Variants in RIMBP2 observed in about 807,000 individuals in gnomAD.
The protein encoded by RIMBP2 is RIMS-binding protein 2.
Under a neutral mutation model 118.6 loss-of-function variants are expected in RIMBP2, and 48 were observed. The observed-to-expected ratio is 0.40, with a 90% CI of 0.32 to 0.51. RIMBP2 has a LOEUF of 0.51. RIMBP2 is among the 20% of genes least tolerant of loss of function. The pLI, the probability that RIMBP2 is intolerant of heterozygous loss-of-function variation, is 0.41. For missense variants in RIMBP2, 1,551 were observed against 1,768.3 expected (o/e 0.88, Z 2.20); for synonymous variants, 762 against 742.9 (o/e 1.03, Z -0.42).
intron 2 of RIMBP2, among the ~76,000 whole-genome samples, chr12:130,535,961 G>T (rs1050019926): frequency 6.6e-6 from 1 of 151,676 alleles, no homozygotes; most frequent in Non-Finnish European, 1.5e-5. Flanking sequence ...TGTTGTTGTT[G>T]TATTTTTTGT....
intron 1 of RIMBP2, among the ~76,000 whole-genome samples, chr12:130,706,574 A>AT (rs1457050407): frequency 6.6e-6 from 1 of 152,264 alleles, no homozygotes; most frequent in Non-Finnish European, 1.5e-5. Context: ...CCATGGCAGC[A>AT]TGGCGTAGTG....
intron 19 of RIMBP2, among the ~76,000 whole-genome samples, chr12:130,408,685 G>A (rs1337649310): frequency 6.6e-6 from 1 of 152,248 alleles, no homozygotes; most frequent in Non-Finnish European, 1.5e-5. Flanking sequence ...TCAGACTGAA[G>A]GGGTGGGGCT....
At chr12:130,690,898 T>C (rs971521970) in intron 1 of RIMBP2, among the ~76,000 whole-genome samples, 3 of 151,952 alleles carry the variant, frequency 2.0e-5, no homozygotes, top group Non-Finnish European at 4.4e-5. Flanking sequence ...TGAGATGCCC[T>C]GTAATTCACA....
intron 2 of RIMBP2, among the ~76,000 whole-genome samples, chr12:130,526,308 G>A (rs989725113): frequency 1.3e-5 from 2 of 152,110 alleles, no homozygotes; most frequent in African/African-American, 2.4e-5. Context: ...AAGAATCACC[G>A]TATTGACTGT....
intron 1 of RIMBP2, among the ~76,000 whole-genome samples, chr12:130,691,292 CG>C (rs1037405594): frequency 1.3e-5 from 2 of 152,160 alleles, no homozygotes; most frequent in Non-Finnish European, 2.9e-5. Flanking sequence ...GGAACCAACC[CG>C]AGGAATGTGT....
At position 130,640,805 on chromosome 12, in the gene RIMBP2, T is replaced by A. The variant is rs562762120; in HGVS notation, c.-351-12349A>T. On this transcript the variant is annotated intron_variant, in intron 1 of 22. Transcript: ENST00000690449. Reference sequence around the variant, plus strand: ...CTGTGCCACCCCCTAAGTTAGAGGATCAACACAGACCAAGGGGAGAGAGGC... The same window carrying A: ...CTGTGCCACCCCCTAAGTTAGAGGAACAACACAGACCAAGGGGAGAGAGGC... Among the ~76,000 whole-genome samples, 7 of 152,260 alleles carry A rather than the reference T, an allele frequency of 4.6e-5. No homozygotes were observed. The East Asian group carries it at 1.2e-3, about 25-fold the overall frequency.
rs1002428423 is a variant in RIMBP2, at chr12:130,434,321, C to G, written c.2253+413G>C. On this transcript the variant is annotated intron_variant, in intron 14 of 22. Coordinates refer to ENST00000690449, the MANE Select transcript of RIMBP2 (RefSeq NM_001393629.1). This position sits in a 1 kb window ranked among gnomAD's most constrained non-coding sequence, Gnocchi z 5.7. ...CCGTTTTGCTGTTCTGAAGGACGAACACTGACTGTGTTATTTTTGGCTCCC... is the reference window on the plus strand; with the variant it reads ...CCGTTTTGCTGTTCTGAAGGACGAAGACTGACTGTGTTATTTTTGGCTCCC... Among the ~76,000 whole-genome samples the G allele has an allele frequency of 6.6e-6, 1 of 152,176 alleles. No homozygotes were observed. The highest frequency in any genetic ancestry group is 2.4e-5 in the African/African-American group (1 of 41,422).
At chr12:130,473,373 T>C (rs919100053) in intron 5 of RIMBP2, among the ~76,000 whole-genome samples, 1 of 152,236 alleles carries the variant, frequency 6.6e-6, no homozygotes, top group Non-Finnish European at 1.5e-5. Flanking sequence ...ACAGGCCTGT[T>C]ACCCAGAGGA....
At chr12:130,548,626 T>A (rs2055406608) in intron 2 of RIMBP2, among the ~76,000 whole-genome samples, 1 of 152,012 alleles carries the variant, frequency 6.6e-6, no homozygotes, top group East Asian at 1.9e-4. Context: ...CAAGCTGGAG[T>A]GCAGTGGCAT....
At chr12:130,591,684 G>A (rs1439284781) in intron 2 of RIMBP2, among the ~76,000 whole-genome samples, 4 of 152,138 alleles carry the variant, frequency 2.6e-5, no homozygotes, top group South Asian at 2.1e-4. Context: ...TCTTAGAAGG[G>A]CCCTTTTCTT....
intron 4 of RIMBP2, among the ~76,000 whole-genome samples, chr12:130,487,478 CT>C (rs1351191082): frequency 1.3e-5 from 2 of 152,202 alleles, no homozygotes; most frequent in Non-Finnish European, 2.9e-5. Flanking sequence ...CCTGCTCCCA[CT>C]TTGCCTTCTG....
chr12:130,427,212 G>T (rs1029686697), intron 15 of RIMBP2: 2 of 152,236 alleles, frequency 1.3e-5, no homozygotes, highest in African/African-American at 4.8e-5. Flanking sequence ...CACGCCCTCT[G>T]TTCCTGGAGA....
At chr12:130,671,142 G>T (rs2064177821) in intron 1 of RIMBP2, among the ~76,000 whole-genome samples, 1 of 152,234 alleles carries the variant, frequency 6.6e-6, no homozygotes, top group African/African-American at 2.4e-5. Context: ...CATGAGCACA[G>T]ATGTGGTGCC....
chr12:130,697,171 G>A (rs529824305), intron 1 of RIMBP2, among the ~76,000 whole-genome samples: 7 of 152,298 alleles, frequency 4.6e-5, no homozygotes, highest in Admixed American at 1.3e-4. Context: ...ACACAATACC[G>A]GACGAAAGCC....
At chr12:130,564,495 G>C (rs979398019) in intron 2 of RIMBP2, among the ~76,000 whole-genome samples, 9 of 152,218 alleles carry the variant, frequency 5.9e-5, no homozygotes, top group African/African-American at 2.2e-4. Flanking sequence ...CCCATGAAAG[G>C]GCATTCAGCA....
chr12:130,584,485 CA>C (rs1302860618), intron 2 of RIMBP2, among the ~76,000 whole-genome samples: 4 of 148,324 alleles, frequency 2.7e-5, no homozygotes, highest in African/African-American at 1.0e-4. Flanking sequence ...TTGCCATCAC[CA>C]CCATCACATC....
chr12:130,417,866 G>GC (rs995096473), intron 17 of RIMBP2, among the ~76,000 whole-genome samples: 11 of 151,810 alleles, frequency 7.2e-5, no homozygotes, highest in Admixed American at 6.6e-5. Flanking sequence ...AGAGAGAATG[G>GC]GAGGGGAGAG....
At chr12:130,639,487 C>CAAAAAAAAAAAAAAAAAAA (rs138670754) in intron 1 of RIMBP2, among the ~76,000 whole-genome samples, 1 of 88,086 alleles carries the variant, frequency 1.1e-5, no homozygotes, top group African/African-American at 4.9e-5. Context: ...GATCCTGCCT[C>CAAAAAAAAAAAAAAAAAAA]AAAAAAAAAA....
intron 13 of RIMBP2, 137 bp from the exon 14 acceptor site, chr12:130,435,017 G>T: frequency 1.2e-6 from 1 of 844,386 alleles, no homozygotes; most frequent in Non-Finnish European, 1.8e-6. Flanking sequence ...GCCCAGCTCT[G>T]CCGCCCTCTC....
Sources: gnomAD v4.1 joint callset for allele counts (sites outside exome capture counted in the v4.1 genomes callset) on GRCh38, gnomAD v4.1.1 for gene constraint, Gnocchi (gnomAD v3.1) non-coding constraint, MANE v1.5 for transcripts, NCBI Gene and HGNC (gene_info 2026-07-23, HGNC 2026-07-21) for gene names.